The following TNPO1 variants were observed in gnomAD, a reference collection of about 807,000 sequenced individuals.
The protein encoded by TNPO1 is transportin-1.
Under a neutral mutation model 119.5 loss-of-function variants are expected in TNPO1, and 8 were observed. That is an observed-to-expected ratio of 0.07 (90% CI 0.04 to 0.12). The LOEUF (loss-of-function observed/expected upper bound fraction) is 0.12. Among genes scored for constraint, TNPO1 ranks in the 10% least tolerant of loss-of-function variants. The pLI, the probability that TNPO1 is intolerant of heterozygous loss-of-function variation, is 1.00. For missense variants in TNPO1, 576 were observed against 1,089.8 expected, an observed-to-expected ratio of 0.53 and a Z score of 6.64; for synonymous variants, 362 against 363.0, an observed-to-expected ratio of 1.00 and a Z score of 0.03.
At position 72,875,710 on chromosome 5, in the gene TNPO1, G is replaced by C. The variant is rs769750657; in HGVS notation, c.774G>C (p.Leu258=). 1.2e-6 allele frequency: 2 copies of C among 1,612,732 alleles called. No homozygotes were observed. Among genetic ancestry groups the C allele is most frequent in the South Asian group, 1.1e-5 (1 of 90,996 alleles). ...TGCTCGAAGTTCGAATGGATCGCCT[G>C]CTTCCTCACATGCATAATATAGTTG... The part of the protein sequence containing the change: ...VMLLEVRMDR[L]LPHMHNIVEY... The change falls in exon 8 of 25, where the codon CTG becomes CTC. Residue 258 remains leucine, a synonymous_variant. Transcript: ENST00000337273.
chr5:72,905,999 A>G (rs1331864231), intron 24 of TNPO1, among the ~76,000 whole-genome samples: 1 of 152,230 alleles, frequency 6.6e-6, no homozygotes, highest in Non-Finnish European at 1.5e-5. Flanking sequence ...AATCGTAGGT[A>G]TAAAGAAATC....
intron 7 of TNPO1, among the ~76,000 whole-genome samples, chr5:72,874,713 T>C (rs1204965445): frequency 2.0e-5 from 3 of 152,230 alleles, no homozygotes; most frequent in Admixed American, 2.0e-4. Context: ...CTCTTTCTTA[T>C]AATGAGATTT....
At chr5:72,888,378 G>A (rs1748808031) in intron 13 of TNPO1, 75 bp downstream of exon 13, 1 of 1,275,336 alleles carries the variant, frequency 7.8e-7, no homozygotes, top group South Asian at 1.4e-5. Context: ...TGGAGTGTTG[G>A]TGTTAAACCT....
intron 1 of TNPO1, among the ~76,000 whole-genome samples, chr5:72,827,351 G>A (rs1037730012): frequency 3.3e-5 from 5 of 152,118 alleles, no homozygotes; most frequent in Admixed American, 6.5e-5. Flanking sequence ...ATTTTGATGG[G>A]GGGAATACAT....
chr5:72,883,903 C>A (rs1361703083), intron 11 of TNPO1, among the ~76,000 whole-genome samples: 1 of 151,960 alleles, frequency 6.6e-6, no homozygotes, highest in East Asian at 1.9e-4. Flanking sequence ...CACCAATACA[C>A]CTGGATGAAT....
At chr5:72,878,578 G>A (rs1747994258) in intron 9 of TNPO1, 1 of 153,500 alleles carries the variant, frequency 6.5e-6, no homozygotes. Context: ...CATCAAGAAA[G>A]CAACGATTCC....
At chr5:72,877,378 T>C in intron 9 of TNPO1, 32 bp downstream of exon 9, 1 of 1,006,074 alleles carries the variant, frequency 9.9e-7, no homozygotes, top group South Asian at 1.9e-5. Flanking sequence ...TGCTGCCTTG[T>C]TCTTTAATTT....
intron 1 of TNPO1, among the ~76,000 whole-genome samples, chr5:72,838,397 C>T (rs1744779649): frequency 6.6e-6 from 1 of 152,098 alleles, no homozygotes; most frequent in South Asian, 2.1e-4. Flanking sequence ...ATCAGCTTGG[C>T]TTATCAACTG....
Position 72,846,713 on chromosome 5 carries a change from G to A in TNPO1, c.16-1672G>A, listed in dbSNP as rs376928215. Among the ~76,000 whole-genome samples, 9 of 152,244 alleles carry A rather than the reference G, an allele frequency of 5.9e-5. No individual in the cohort carries two copies. The South Asian group carries it at 1.2e-3, about 21-fold the overall frequency. Reference sequence around the variant, plus strand: ...CAAAAGAAACCTCTTCATACTCAGCGATCTCTATCTTGAGCTGGGTGTTGG... The same window carrying A: ...CAAAAGAAACCTCTTCATACTCAGCAATCTCTATCTTGAGCTGGGTGTTGG... On this transcript the variant is annotated intron_variant, in intron 1 of 24. Transcript: ENST00000337273.
intron 1 of TNPO1, among the ~76,000 whole-genome samples, chr5:72,835,786 T>C (rs2112202949): frequency 6.6e-6 from 1 of 152,324 alleles, no homozygotes; most frequent in East Asian, 1.9e-4. Context: ...CGTTCCAGCA[T>C]TAATTCAAAA....
At chr5:72,899,004 C>T (rs2112482386) in intron 20 of TNPO1, among the ~76,000 whole-genome samples, 1 of 152,054 alleles carries the variant, frequency 6.6e-6, no homozygotes, top group African/African-American at 2.4e-5. Flanking sequence ...TTTACATGTA[C>T]GTACCTTTGA....
intron 1 of TNPO1, among the ~76,000 whole-genome samples, chr5:72,829,859 G>A (rs899251650): frequency 6.6e-6 from 1 of 152,136 alleles, no homozygotes; most frequent in Non-Finnish European, 1.5e-5. Context: ...ACCCTTAGAG[G>A]AAGGCAGTTA....
At chr5:72,885,269 G>A (rs1748534480) in intron 11 of TNPO1, among the ~76,000 whole-genome samples, 1 of 152,168 alleles carries the variant, frequency 6.6e-6, no homozygotes, top group Non-Finnish European at 1.5e-5. Context: ...TCTAGTACTG[G>A]GACCCAAGTC....
intron 1 of TNPO1, among the ~76,000 whole-genome samples, chr5:72,818,318 G>C (rs1241863495): frequency 6.6e-6 from 1 of 152,136 alleles, no homozygotes; most frequent in Non-Finnish European, 1.5e-5. Flanking sequence ...TAAGATTTTT[G>C]TAAAAATACA....
At position 72,883,210 on chromosome 5, in the gene TNPO1, T is replaced by C; in HGVS notation, c.1128T>C (p.Asp376=). ...ATGATGATGAAATTGATGATGATGA[T>C]ACAATTTCTGACTGGAATCTAAGTA... The part of the protein sequence containing the change: ...DDDDDEIDDD[D]TISDWNLRKC... Residue 376 remains aspartate (D), a synonymous_variant, in exon 11 of 25, where the codon GAT becomes GAC. Coordinates refer to ENST00000337273, the MANE Select transcript of TNPO1 (RefSeq NM_002270.4). The C allele has an allele frequency of 6.6e-7, 1 of 1,525,122 alleles. No individual in the cohort carries two copies. Among genetic ancestry groups the C allele is most frequent in the Non-Finnish European group, 9.1e-7 (1 of 1,099,022 alleles). The allele number at this position is 1,525,122 out of a possible 1,614,324, so 94.5% of individuals were successfully genotyped here.
intron 3 of TNPO1, among the ~76,000 whole-genome samples, chr5:72,851,783 T>G (rs926243241): frequency 1.3e-5 from 2 of 152,230 alleles, no homozygotes; most frequent in African/African-American, 4.8e-5. Context: ...TGTGAGCCAC[T>G]GTGCCCAGCC....
chr5:72,857,025 C>T (rs1209207990), intron 4 of TNPO1, among the ~76,000 whole-genome samples: 15 of 152,084 alleles, frequency 9.9e-5, no homozygotes. Context: ...CAGATGCTTT[C>T]ATTAAGAGTT....
At chr5:72,825,260 A>T (rs1319694182) in intron 1 of TNPO1, among the ~76,000 whole-genome samples, 1 of 152,200 alleles carries the variant, frequency 6.6e-6, no homozygotes, top group African/African-American at 2.4e-5. Context: ...AAATTAAGAC[A>T]GTCCCTGTCA....
At chr5:72,847,779 A>G (rs1408771073) in intron 1 of TNPO1, among the ~76,000 whole-genome samples, 2 of 152,240 alleles carry the variant, frequency 1.3e-5, no homozygotes, top group African/African-American at 4.8e-5. Context: ...TTGCGACTGC[A>G]TCAATATTTT....
Sources: gnomAD v4.1 joint callset for allele counts (sites outside exome capture counted in the v4.1 genomes callset) on GRCh38, gnomAD v4.1.1 for gene constraint, MANE v1.5 for transcripts, NCBI Gene and HGNC (gene_info 2026-07-23, HGNC 2026-07-21) for gene names.